CNTNAP2: variants seen among roughly 807,000 people sequenced by gnomAD.
The protein encoded by CNTNAP2 is contactin-associated protein-like 2.
In CNTNAP2, 98 loss-of-function variants were observed where a neutral mutation model predicts 155.2. The ratio of observed to expected loss-of-function variants is 0.63; its 90% CI spans 0.54 to 0.75. The LOEUF (loss-of-function observed/expected upper bound fraction) is 0.75, where lower values mean the gene tolerates loss of function less well. Among genes scored for constraint, CNTNAP2 ranks in the 30% least tolerant of loss-of-function variants. CNTNAP2 has a pLI of 0.00. For missense variants in CNTNAP2, 1,727 were observed against 1,688.1 expected, an observed-to-expected ratio of 1.02 and a Z score of -0.40; for synonymous variants, 651 against 631.2, an observed-to-expected ratio of 1.03 and a Z score of -0.47.
chr7:147,919,966 G>A (rs1800240377), intron 14 of CNTNAP2, among the ~76,000 whole-genome samples: 1 of 152,042 alleles, frequency 6.6e-6, no homozygotes, highest in South Asian at 2.1e-4. Context: ...TTCCTACGGT[G>A]GTGATGTCAT....
chr7:147,907,980 G>T (rs1176030493), intron 14 of CNTNAP2, among the ~76,000 whole-genome samples: 6 of 151,586 alleles, frequency 4.0e-5, no homozygotes, highest in Non-Finnish European at 8.8e-5. Context: ...GTTTCACCAG[G>T]CTGGCCTTGA....
chr7:147,129,694 G>T (rs1014340822), intron 7 of CNTNAP2, among the ~76,000 whole-genome samples: 6 of 152,148 alleles, frequency 3.9e-5, no homozygotes, highest in Non-Finnish European at 8.8e-5. Flanking sequence ...CTCCAAAAGA[G>T]CTCTGATGGT....
intron 12 of CNTNAP2, among the ~76,000 whole-genome samples, chr7:147,624,876 G>A (rs780312153): frequency 6.6e-6 from 1 of 152,106 alleles, no homozygotes; most frequent in Non-Finnish European, 1.5e-5. Flanking sequence ...CAACAGATGA[G>A]TGGATAAAGA....
intron 15 of CNTNAP2, among the ~76,000 whole-genome samples, chr7:148,026,179 C>A (rs918391683): frequency 1.3e-5 from 2 of 151,932 alleles, no homozygotes; most frequent in African/African-American, 2.4e-5. Context: ...CCAGGTGTGG[C>A]GGCTCACACC....
intron 3 of CNTNAP2, among the ~76,000 whole-genome samples, chr7:146,906,084 G>A (rs1796118256): frequency 6.6e-6 from 1 of 152,236 alleles, no homozygotes; most frequent in South Asian, 2.1e-4. Flanking sequence ...CGAATATTGA[G>A]CTTTCAGACC....
chr7:147,027,726 C>G (rs1798949716), intron 3 of CNTNAP2, among the ~76,000 whole-genome samples: 1 of 151,998 alleles, frequency 6.6e-6, no homozygotes, highest in Non-Finnish European at 1.5e-5. Context: ...GAGGGTTTGG[C>G]CAAATACAGT....
At chr7:147,693,052 G>T (rs1008574880) in intron 13 of CNTNAP2, among the ~76,000 whole-genome samples, 14 of 149,922 alleles carry the variant, frequency 9.3e-5, no homozygotes, top group Non-Finnish European at 1.3e-4. Flanking sequence ...TATTTATTTA[G>T]TTAGTTAGTT....
chr7:148,060,769 A>C (rs1380249512), intron 15 of CNTNAP2, among the ~76,000 whole-genome samples: 2 of 152,170 alleles, frequency 1.3e-5, no homozygotes, highest in Non-Finnish European at 2.9e-5. Context: ...TTTGTTATAG[A>C]TCCTCAGCGC....
At position 146,378,486 on chromosome 7, in the gene CNTNAP2, A is replaced by G. The variant is rs1414865893; in HGVS notation, c.97+261513A>G. Among the ~76,000 whole-genome samples the G allele has an allele frequency of 2.0e-5, 3 of 152,192 alleles. No individual in the cohort carries two copies. The East Asian group carries it at 5.8e-4, about 29-fold the overall frequency. ...GAGCTATTTCAAGTACTTTATGTGC[A>G]TTACCTTATATTATTCTTATAAGAA... On this transcript the variant is annotated intron_variant, in intron 1 of 23. Coordinates refer to ENST00000361727, the MANE Select transcript of CNTNAP2 (RefSeq NM_014141.6).
At chr7:147,041,036 T>C (rs767577797) in intron 3 of CNTNAP2, among the ~76,000 whole-genome samples, 1 of 152,206 alleles carries the variant, frequency 6.6e-6, no homozygotes, top group Non-Finnish European at 1.5e-5. Flanking sequence ...GACCTTCAAT[T>C]ACTTGTTGCT....
At chr7:146,171,752 G>A (rs551452556) in intron 1 of CNTNAP2, among the ~76,000 whole-genome samples, 178 of 151,998 alleles carry the variant, frequency 1.2e-3, no homozygotes, top group African/African-American at 4.2e-3. Flanking sequence ...TATATAATGT[G>A]TAAATTTAAT....
chr7:148,141,478 T>G (rs2116644126), intron 16 of CNTNAP2, among the ~76,000 whole-genome samples: 1 of 152,330 alleles, frequency 6.6e-6, no homozygotes. Flanking sequence ...CTTGGGAAAA[T>G]GAGTGGATTT....
intron 2 of CNTNAP2, among the ~76,000 whole-genome samples, chr7:146,796,801 G>A (rs1230073090): frequency 6.6e-6 from 1 of 151,912 alleles, no homozygotes. Flanking sequence ...TACATGTAAT[G>A]CATTTCAAGC....
intron 9 of CNTNAP2, among the ~76,000 whole-genome samples, chr7:147,321,587 A>G (rs77321620): frequency 0.056 from 8,526 of 152,190 alleles, 875 homozygotes; most frequent in East Asian, 0.4. Flanking sequence ...GACTAACTTC[A>G]TCTCTCTCCT....
chr7:147,757,293 TTA>T (rs2116512854), intron 13 of CNTNAP2, among the ~76,000 whole-genome samples: 1 of 152,340 alleles, frequency 6.6e-6, no homozygotes, highest in South Asian at 2.1e-4. Context: ...TTTTCTTTTC[TTA>T]TGTTTTTCAC....
intron 1 of CNTNAP2, among the ~76,000 whole-genome samples, chr7:146,644,234 G>A (rs967137070): frequency 1.6e-4 from 25 of 152,092 alleles, no homozygotes; most frequent in African/African-American, 4.8e-4. Flanking sequence ...TCTTGTGCCC[G>A]TTTTCAAAGG....
rs563740181 is a variant in CNTNAP2, at chr7:148,077,810, T to G, written c.2384-40308T>G. 2.6e-5 allele frequency among the ~76,000 whole-genome samples: 4 copies of G among 152,312 alleles called. No individual in the cohort carries two copies. The South Asian group carries it at 8.3e-4, about 32-fold the overall frequency. On this transcript the variant is annotated intron_variant, in intron 15 of 23. Transcript: ENST00000361727. ...AGTATTTCCTATTATGTTACATACATACAAGTTACCAATTAGAAGTTGATA... is the reference window on the plus strand; with the variant it reads ...AGTATTTCCTATTATGTTACATACAGACAAGTTACCAATTAGAAGTTGATA...
chr7:147,747,738 C>T (rs562677479), intron 13 of CNTNAP2, among the ~76,000 whole-genome samples: 1 of 152,320 alleles, frequency 6.6e-6, no homozygotes, highest in South Asian at 2.1e-4. Flanking sequence ...TTTCCCCTTG[C>T]CCATATCCCC....
At chr7:146,794,090 C>G (rs775916815) in intron 2 of CNTNAP2, among the ~76,000 whole-genome samples, 3 of 152,126 alleles carry the variant, frequency 2.0e-5, no homozygotes, top group African/African-American at 4.8e-5. Flanking sequence ...CCTTTTGATG[C>G]AATCAGATTG....
Sources: allele counts gnomAD v4.1 joint callset (sites outside exome capture counted in the v4.1 genomes callset), GRCh38; gene constraint gnomAD v4.1.1; transcripts MANE v1.5; gene names NCBI Gene and HGNC (gene_info 2026-07-23, HGNC 2026-07-21).